ACYP2: variants seen among roughly 807,000 people sequenced by gnomAD.
The protein encoded by ACYP2 is acylphosphatase 2, also known as acylphosphatase-2.
A neutral mutation model predicts 11.2 loss-of-function variants in ACYP2; 12 were observed. The observed-to-expected ratio is 1.08, with a 90% CI of 0.69 to 1.74. ACYP2 has a LOEUF of 1.74. Ranked by LOEUF, ACYP2 falls within the 40% of genes most tolerant of loss-of-function variation. The pLI is 0.00. For synonymous variants in ACYP2, 43 were observed against 32.2 expected, an observed-to-expected ratio of 1.33 and a Z score of -1.13; for missense variants, 134 against 101.9, an observed-to-expected ratio of 1.31 and a Z score of -1.35.
chr2:54,186,440 C>A (rs543309428), intron 6 of ACYP2, among the ~76,000 whole-genome samples: 1 of 152,066 alleles, frequency 6.6e-6, no homozygotes, highest in East Asian at 1.9e-4. Context: ...CCTATAATTA[C>A]ACGTATAGAA....
At chr2:54,258,111 G>A (rs530244165) in intron 6 of ACYP2, among the ~76,000 whole-genome samples, 19 of 152,166 alleles carry the variant, frequency 1.2e-4, no homozygotes, top group Non-Finnish European at 2.8e-4. Flanking sequence ...CCCTCTTGGG[G>A]TTTACATTTT....
intron 2 of ACYP2, among the ~76,000 whole-genome samples, chr2:54,005,213 G>C (rs1227430186): frequency 6.6e-6 from 1 of 152,076 alleles, no homozygotes; most frequent in East Asian, 1.9e-4. Flanking sequence ...TCTATATCTA[G>C]ATTTGTGTGT....
chr2:54,098,111 T>C (rs903138777), intron 4 of ACYP2, among the ~76,000 whole-genome samples: 5 of 151,646 alleles, frequency 3.3e-5, no homozygotes, highest in Non-Finnish European at 5.9e-5. Context: ...TATAGGCACG[T>C]GCTATCATGA....
chr2:54,296,041 G>A (rs779908839), intron 6 of ACYP2, among the ~76,000 whole-genome samples: 2 of 152,190 alleles, frequency 1.3e-5, no homozygotes, highest in Non-Finnish European at 2.9e-5. Flanking sequence ...ATTACAGCAT[G>A]AGCCACAGCA....
chr2:54,214,291 A>G (rs1685462097), intron 6 of ACYP2, among the ~76,000 whole-genome samples: 1 of 151,952 alleles, frequency 6.6e-6, no homozygotes. Context: ...TTGCTTTTGG[A>G]GTCTTTGTCA....
At chr2:54,270,609 AT>A (rs1688252661) in intron 6 of ACYP2, among the ~76,000 whole-genome samples, 1 of 152,194 alleles carries the variant, frequency 6.6e-6, no homozygotes, top group Non-Finnish European at 1.5e-5. Flanking sequence ...ATGTCTCAAA[AT>A]TTTAAAAATA....
At chr2:54,242,464 C>T (rs866728953) in intron 6 of ACYP2, among the ~76,000 whole-genome samples, 1 of 152,108 alleles carries the variant, frequency 6.6e-6, no homozygotes, top group Non-Finnish European at 1.5e-5. Flanking sequence ...ATATTTGATG[C>T]TTTAGGTAAA....
intron 6 of ACYP2, among the ~76,000 whole-genome samples, chr2:54,227,508 C>T (rs775499781): frequency 2.0e-5 from 3 of 151,868 alleles, no homozygotes; most frequent in East Asian, 1.9e-4. Context: ...TTCATGGTGG[C>T]GCGTGCCTGT....
At chr2:54,165,638 A>G (rs1004610206) in intron 6 of ACYP2, among the ~76,000 whole-genome samples, 8 of 151,946 alleles carry the variant, frequency 5.3e-5, no homozygotes, top group Non-Finnish European at 1.2e-4. Flanking sequence ...GCAATACTAT[A>G]TGATGCCCCA....
At chr2:54,128,605 C>T (rs1431444257) in intron 4 of ACYP2, among the ~76,000 whole-genome samples, 1 of 152,016 alleles carries the variant, frequency 6.6e-6, no homozygotes, top group African/African-American at 2.4e-5. Flanking sequence ...AGTTTGAGAC[C>T]ATAGTGAGCT....
At chr2:54,113,240 CTTTT>C (rs60452262) in intron 4 of ACYP2, among the ~76,000 whole-genome samples, 4 of 140,066 alleles carry the variant, frequency 2.9e-5, no homozygotes, top group Non-Finnish European at 3.1e-5. Context: ...GTAGAGATGA[CTTTT>C]TTTTTTTTTT....
At chr2:54,088,152 T>C (rs1678036904) in intron 4 of ACYP2, among the ~76,000 whole-genome samples, 1 of 152,168 alleles carries the variant, frequency 6.6e-6, no homozygotes, top group African/African-American at 2.4e-5. Context: ...ACTCTTCTAG[T>C]GGAGCCAAAA....
At chr2:54,303,941 A>G (rs1689821187) in intron 6 of ACYP2, among the ~76,000 whole-genome samples, 1 of 152,236 alleles carries the variant, frequency 6.6e-6, no homozygotes, top group Non-Finnish European at 1.5e-5. Flanking sequence ...GCAATATACA[A>G]TAGGCCTGAA....
intron 6 of ACYP2, among the ~76,000 whole-genome samples, chr2:54,294,080 T>G (rs1689424053): frequency 6.6e-6 from 1 of 152,184 alleles, no homozygotes; most frequent in African/African-American, 2.4e-5. Flanking sequence ...CTTGCTATGG[T>G]CTTCATTTTA....
chr2:54,062,448 A>C (rs997270506), intron 4 of ACYP2, among the ~76,000 whole-genome samples: 11 of 152,184 alleles, frequency 7.2e-5, no homozygotes, highest in African/African-American at 2.7e-4. Flanking sequence ...AGTTGCTGAG[A>C]CCAGATCAAC....
chr2:54,041,239 G>A lies in ACYP2; in HGVS notation c.63-9719G>A, dbSNP rs1414706050. Among the ~76,000 whole-genome samples, 4 of 151,900 alleles carry A rather than the reference G, an allele frequency of 2.6e-5. No individual in the cohort carries two copies. The East Asian group carries it at 5.8e-4, about 22-fold the overall frequency. On this transcript the variant is annotated intron_variant, in intron 2 of 6. Transcript: ENST00000607452. ...TGGGATTACAGGCATGAGCCATCAC[G>A]CCCGGCCAGCGGTGGCCTTTTCTAG...
intron 4 of ACYP2, among the ~76,000 whole-genome samples, chr2:54,102,413 A>C (rs1467466619): frequency 6.6e-6 from 1 of 152,108 alleles, no homozygotes; most frequent in Non-Finnish European, 1.5e-5. Flanking sequence ...TGATTGATTC[A>C]AGAACTCAAA....
At chr2:54,034,059 A>C (rs1674739934) in intron 2 of ACYP2, among the ~76,000 whole-genome samples, 1 of 152,198 alleles carries the variant, frequency 6.6e-6, no homozygotes, top group Non-Finnish European at 1.5e-5. Flanking sequence ...TTTTAGAAGC[A>C]GGCTTTTTGG....
At chr2:54,159,698 G>C (rs1682619739) in intron 6 of ACYP2, among the ~76,000 whole-genome samples, 2 of 152,086 alleles carry the variant, frequency 1.3e-5, no homozygotes, top group South Asian at 4.2e-4. Flanking sequence ...GGAAGCACAG[G>C]GGTAGAGTTT....
Sources: gnomAD v4.1 joint callset for allele counts (sites outside exome capture counted in the v4.1 genomes callset) on GRCh38, gnomAD v4.1.1 for gene constraint, MANE v1.5 for transcripts, NCBI Gene and HGNC (gene_info 2026-07-23, HGNC 2026-07-21) for gene names.